DOCK4: variants seen among roughly 807,000 people sequenced by gnomAD.
The protein encoded by DOCK4 is dedicator of cytokinesis protein 4.
DOCK4 carries 97 observed loss-of-function variants against 268.1 expected under a neutral mutation model. The ratio of observed to expected loss-of-function variants is 0.36; its 90% CI spans 0.31 to 0.43. The LOEUF (loss-of-function observed/expected upper bound fraction) is 0.43, where lower values mean the gene tolerates loss of function less well. Among genes scored for constraint, DOCK4 ranks in the 20% least tolerant of loss-of-function variants. The pLI is 1.00. For synonymous variants in DOCK4, 954 were observed against 887.2 expected (o/e 1.08, Z -1.34); for missense variants, 2,145 against 2,455.7 (o/e 0.87, Z 2.67).
At chr7:112,018,179 A>ACACAC (rs1201145657) in intron 1 of DOCK4, among the ~76,000 whole-genome samples, 1 of 72,630 alleles carries the variant, frequency 1.4e-5, no homozygotes, top group African/African-American at 5.4e-5. Context: ...AAAAAAAAAA[A>ACACAC]ACACAGGCAA....
intron 1 of DOCK4, among the ~76,000 whole-genome samples, chr7:112,163,030 C>T (rs1158341055): frequency 2.0e-5 from 3 of 152,110 alleles, no homozygotes; most frequent in African/African-American, 7.2e-5. Flanking sequence ...GCTGCTACTG[C>T]CTCTACTGCC....
chr7:112,057,856 A>T, intron 1 of DOCK4, among the ~76,000 whole-genome samples: 1 of 151,856 alleles, frequency 6.6e-6, no homozygotes, highest in East Asian at 1.9e-4. Context: ...ATCATATTTA[A>T]AAGGTTTTAT....
chr7:111,904,682 A>C (rs1448013530), intron 13 of DOCK4, among the ~76,000 whole-genome samples: 1 of 152,174 alleles, frequency 6.6e-6, no homozygotes, highest in Non-Finnish European at 1.5e-5. Flanking sequence ...AATCAGAATA[A>C]GGAGATACAG....
At chr7:112,136,724 A>G (rs6961372) in intron 1 of DOCK4, among the ~76,000 whole-genome samples, 11,933 of 152,240 alleles carry the variant, frequency 0.078, 729 homozygotes, top group African/African-American at 0.17. Flanking sequence ...CTTTTTGGAA[A>G]CAGACCACAT....
chr7:112,204,932 G>C (rs901299946), intron 1 of DOCK4, among the ~76,000 whole-genome samples: 1 of 151,798 alleles, frequency 6.6e-6, no homozygotes, highest in African/African-American at 2.4e-5. Flanking sequence ...CGGCAGAACA[G>C]GGCATTATAG....
At chr7:112,020,312 G>A (rs1056423142) in intron 1 of DOCK4, among the ~76,000 whole-genome samples, 2 of 152,096 alleles carry the variant, frequency 1.3e-5, no homozygotes, top group African/African-American at 4.8e-5. Flanking sequence ...CTCATATAAA[G>A]CTACTCACTG....
In DOCK4 at chr7:111,872,067, T is replaced by C; in HGVS notation, c.1950A>G (p.Gln650=). Reference sequence around the variant, plus strand: ...GTTTAAAATGATGAAATTTGCTATCTTGCAGCAAATTTATTATGTGAACCT... The same window carrying C: ...GTTTAAAATGATGAAATTTGCTATCCTGCAGCAAATTTATTATGTGAACCT... ...DSLVHIINLL[Q]DSKFHHFKPV... The change falls in exon 20 of 53, where the codon CAA becomes CAG. Residue 650 remains glutamine (Q), a synonymous_variant. Transcript: ENST00000428084. 1.3e-6 allele frequency: 2 copies of C among 1,547,680 alleles called. No individual in the cohort carries two copies. Among genetic ancestry groups the C allele is most frequent in the Non-Finnish European group, 1.7e-6 (2 of 1,146,454 alleles).
chr7:112,194,843 T>C (rs1820274254), intron 1 of DOCK4, among the ~76,000 whole-genome samples: 1 of 152,232 alleles, frequency 6.6e-6, no homozygotes, highest in Non-Finnish European at 1.5e-5. Context: ...TACAATAATT[T>C]CTACATAGTG....
chr7:111,926,902 G>C (rs1793756202), intron 12 of DOCK4, among the ~76,000 whole-genome samples: 1 of 150,100 alleles, frequency 6.7e-6, no homozygotes, highest in Non-Finnish European at 1.5e-5. Context: ...AGGAAAGAAG[G>C]AAGAAAGAAA....
At chr7:111,928,206 C>A (rs1793891801) in intron 12 of DOCK4, among the ~76,000 whole-genome samples, 1 of 152,138 alleles carries the variant, frequency 6.6e-6, no homozygotes, top group African/African-American at 2.4e-5. Flanking sequence ...ACCTAGGATA[C>A]ATGAGGAAAT....
At chr7:111,808,441 T>A (rs1445583227) in intron 30 of DOCK4, 1 of 182,298 alleles carries the variant, frequency 5.5e-6, no homozygotes, top group Non-Finnish European at 1.2e-5. Flanking sequence ...CAATGTTTCA[T>A]GAAGTTTAAC....
rs753096097 is a variant in DOCK4 at position 111,944,913 on chromosome 7, G to A, written c.784-42C>T. On this transcript the variant is annotated intron_variant, in intron 9 of 52. Transcript: ENST00000428084. Reference sequence around the variant, plus strand: ...TTTGGTTATTTTGGAAGACATGAGCGGCACTTAAAGGGCATAGCACTTTAT... The same window carrying A: ...TTTGGTTATTTTGGAAGACATGAGCAGCACTTAAAGGGCATAGCACTTTAT... 168 of 1,529,464 alleles carry A rather than the reference G, an allele frequency of 1.1e-4. 2 individuals are homozygous for A. The highest frequency in any genetic ancestry group is 8.5e-4 in the South Asian group (76 of 89,248). The allele number at this position is 1,529,464 out of a possible 1,614,324, so 94.7% of individuals were successfully genotyped here.
At chr7:111,774,294 G>A (rs1414570593) in intron 36 of DOCK4, among the ~76,000 whole-genome samples, 1 of 151,958 alleles carries the variant, frequency 6.6e-6, no homozygotes, top group Non-Finnish European at 1.5e-5. Flanking sequence ...GTGAAACCCC[G>A]TCTCTACTAA....
chr7:112,071,083 A>C (rs1413526393), intron 1 of DOCK4, among the ~76,000 whole-genome samples: 1 of 152,244 alleles, frequency 6.6e-6, no homozygotes, highest in East Asian at 1.9e-4. Context: ...CCTTGCCACC[A>C]GATCAATAGT....
In DOCK4 at chr7:111,747,379, G is replaced by C; in HGVS notation, c.4481C>G (p.Thr1494Ser). 4 of 1,612,900 alleles carry C rather than the reference G, an allele frequency of 2.5e-6. No individual in the cohort carries two copies. Among genetic ancestry groups the C allele is most frequent in the Non-Finnish European group, 3.4e-6 (4 of 1,179,500 alleles). ...TCTTGTCTGACACTGACTAATCAGA[G>C]TCTTCAGCTGCTGATTCTTATTTTC... ...VLENKNQQLK[T>S]LISQCQTRQM... is the part of the protein sequence containing the mutation. Residue 1494 changes from threonine (T) to serine (S), a missense_variant, in exon 43 of 53, where the codon ACT becomes AGT. By Grantham distance (58) the Thr-to-Ser change is moderately conservative. Coordinates refer to ENST00000428084, the MANE Select transcript of DOCK4 (RefSeq NM_001363540.2).
intron 27 of DOCK4, chr7:111,821,647 C>T (rs1801989730): frequency 6.6e-6 from 1 of 152,176 alleles, no homozygotes; most frequent in Non-Finnish European, 1.5e-5. Context: ...TCTAGAGATT[C>T]CAATATCGAC....
chr7:112,110,868 C>T (rs1429207409), intron 1 of DOCK4, among the ~76,000 whole-genome samples: 1 of 152,182 alleles, frequency 6.6e-6, no homozygotes, highest in Non-Finnish European at 1.5e-5. Context: ...ACAGGGGCAA[C>T]TCCGCTCCCC....
chr7:111,902,809 G>A (rs530751231), intron 13 of DOCK4, among the ~76,000 whole-genome samples: 4 of 150,632 alleles, frequency 2.7e-5, no homozygotes, highest in East Asian at 2.0e-4. Flanking sequence ...TCGCTCTGTC[G>A]CCCAGGCTGG....
At chr7:111,741,050 C>T in intron 47 of DOCK4, 44 bp downstream of exon 47, 2 of 1,607,968 alleles carry the variant, frequency 1.2e-6, no homozygotes, top group Non-Finnish European at 1.7e-6. Context: ...ATGATTGAGA[C>T]AGAAAAGGAA....
Sources: gnomAD v4.1 joint callset for allele counts (sites outside exome capture counted in the v4.1 genomes callset) on GRCh38, gnomAD v4.1.1 for gene constraint, MANE v1.5 for transcripts, NCBI Gene and HGNC (gene_info 2026-07-23, HGNC 2026-07-21) for gene names.